The following ADCY5 variants were observed in gnomAD, a reference collection of about 807,000 sequenced individuals.
ADCY5 encodes the protein adenylate cyclase 5, also known as adenylate cyclase type 5.
Under a neutral mutation model 119.7 loss-of-function variants are expected in ADCY5, and 30 were observed. The ratio of observed to expected loss-of-function variants is 0.25; its 90% CI spans 0.19 to 0.34. The LOEUF (loss-of-function observed/expected upper bound fraction) is 0.34. Ranked by LOEUF, ADCY5 falls within the 10% of genes least tolerant of loss-of-function variation. The pLI, the probability that ADCY5 is intolerant of heterozygous loss-of-function variation, is 1.00. For synonymous variants in ADCY5, 753 were observed against 762.2 expected (o/e 0.99, Z 0.20); for missense variants, 1,324 against 1,775.2 (o/e 0.75, Z 4.57).
intron 1 of ADCY5, among the ~76,000 whole-genome samples, chr3:123,431,247 A>T (rs1211566473): frequency 6.6e-6 from 1 of 152,170 alleles, no homozygotes; most frequent in Admixed American, 6.5e-5. Flanking sequence ...AGACTAATGA[A>T]CACTGCTGAG....
chr3:123,390,118 G>A (rs1317695436), intron 1 of ADCY5, among the ~76,000 whole-genome samples: 1 of 152,198 alleles, frequency 6.6e-6, no homozygotes, highest in Non-Finnish European at 1.5e-5. Context: ...CTCAGGCCAG[G>A]AAGCTGGACA....
At chr3:123,295,589 A>G (rs1939447991) in intron 17 of ADCY5, among the ~76,000 whole-genome samples, 2 of 152,178 alleles carry the variant, frequency 1.3e-5, no homozygotes, top group African/African-American at 4.8e-5. Context: ...GAAGTCTTCA[A>G]CCCAGCTCTG....
At chr3:123,361,104 A>T (rs1682329245) in intron 1 of ADCY5, among the ~76,000 whole-genome samples, 1 of 152,210 alleles carries the variant, frequency 6.6e-6, no homozygotes, top group Admixed American at 6.5e-5. Flanking sequence ...GAGACACTCA[A>T]CTTTCTCTCA....
chr3:123,401,491 G>A (rs957769119), intron 1 of ADCY5, among the ~76,000 whole-genome samples: 1 of 152,216 alleles, frequency 6.6e-6, no homozygotes, highest in Non-Finnish European at 1.5e-5. Flanking sequence ...ACCATCCTTG[G>A]AGCCCACATA....
At chr3:123,406,446 A>G (rs1032987415) in intron 1 of ADCY5, among the ~76,000 whole-genome samples, 6 of 152,240 alleles carry the variant, frequency 3.9e-5, no homozygotes, top group African/African-American at 1.4e-4. Context: ...TGTTGGCCAC[A>G]CCATACCTGA....
chr3:123,300,402 G>T, intron 14 of ADCY5, 107 bp from the exon 15 acceptor site: 2 of 1,245,304 alleles, frequency 1.6e-6, no homozygotes, highest in Non-Finnish European at 2.2e-6. Context: ...CCTGGGCTGG[G>T]CATGTTTCTG....
intron 1 of ADCY5, among the ~76,000 whole-genome samples, chr3:123,355,476 A>G (rs985665307): frequency 3.9e-5 from 6 of 152,180 alleles, no homozygotes; most frequent in Admixed American, 1.3e-4. Flanking sequence ...CCACAAATAC[A>G]GAGGGCCAAC....
intron 1 of ADCY5, among the ~76,000 whole-genome samples, chr3:123,426,299 G>GTTTTT (rs750760543): frequency 2.9e-4 from 28 of 97,854 alleles, no homozygotes; most frequent in African/African-American, 5.5e-4. Flanking sequence ...TTTCTTTTGT[G>GTTTTT]TTTTTTTTTT....
chr3:123,418,377 G>A (rs1157013470), intron 1 of ADCY5, among the ~76,000 whole-genome samples: 1 of 152,228 alleles, frequency 6.6e-6, no homozygotes, highest in Non-Finnish European at 1.5e-5. Flanking sequence ...GAATACCTGA[G>A]ACTGGGTAAT....
chr3:123,348,907 C>A (rs562853475), intron 2 of ADCY5, among the ~76,000 whole-genome samples: 5 of 152,308 alleles, frequency 3.3e-5, no homozygotes, highest in African/African-American at 7.2e-5. Flanking sequence ...TAGAGTCACC[C>A]TCCCACATGG....
chr3:123,442,348 G>C (rs1246221808), intron 1 of ADCY5, among the ~76,000 whole-genome samples: 3 of 152,362 alleles, frequency 2.0e-5, no homozygotes, highest in South Asian at 2.1e-4. Flanking sequence ...AGTTTGGTGA[G>C]GACCAAGGTG....
intron 19 of ADCY5, among the ~76,000 whole-genome samples, chr3:123,289,460 G>A (rs892559112): frequency 1.3e-5 from 2 of 152,236 alleles, no homozygotes; most frequent in South Asian, 2.1e-4. Context: ...CCACCAGGCC[G>A]GCCCTGCATC....
Position 123,284,236 on chromosome 3 carries a change from C to G in ADCY5, c.*372G>C, listed in dbSNP as rs139935310. 98 of 198,138 alleles carry G rather than the reference C, an allele frequency of 4.9e-4. No individual in the cohort carries two copies. The highest frequency in any genetic ancestry group is 2.0e-3 in the Middle Eastern group (1 of 496). The allele number at this position is 198,138 out of a possible 1,614,324, so 12.3% of individuals were successfully genotyped here. On this transcript the variant is annotated 3_prime_UTR_variant, in exon 21 of 21. Transcript: ENST00000462833. ...AGGCCACATTCGAGCCCGTCTACCC[C>G]CAGCTGAGTCGGAGGCCCCTCAGCC...
At chr3:123,415,855 T>C (rs932936555) in intron 1 of ADCY5, among the ~76,000 whole-genome samples, 11 of 152,082 alleles carry the variant, frequency 7.2e-5, no homozygotes, top group Non-Finnish European at 8.8e-5. Flanking sequence ...CAGAAATACA[T>C]GCTAGGTGTA....
chr3:123,413,083 A>T (rs1945097086), intron 1 of ADCY5, among the ~76,000 whole-genome samples: 1 of 152,094 alleles, frequency 6.6e-6, no homozygotes, highest in South Asian at 2.1e-4. Context: ...CTCCTCCGGG[A>T]CGGGACCAGG....
chr3:123,306,838 A>G (rs1412456880), intron 12 of ADCY5, among the ~76,000 whole-genome samples: 1 of 152,250 alleles, frequency 6.6e-6, no homozygotes, highest in Admixed American at 6.5e-5. Flanking sequence ...AAGTGGAAAC[A>G]ATTTAATTGT....
chr3:123,376,087 T>G (rs961002658), intron 1 of ADCY5, among the ~76,000 whole-genome samples: 1 of 151,948 alleles, frequency 6.6e-6, no homozygotes, highest in East Asian at 1.9e-4. Flanking sequence ...CAAGGGAGAC[T>G]GGAGGTCTGC....
chr3:123,401,210 G>C (rs1004667084), intron 1 of ADCY5, among the ~76,000 whole-genome samples: 1 of 152,134 alleles, frequency 6.6e-6, no homozygotes, highest in Non-Finnish European at 1.5e-5. Flanking sequence ...AAAGATCCTG[G>C]ATTTGAAGGT....
chr3:123,292,521 G>A (rs999088597), intron 17 of ADCY5, among the ~76,000 whole-genome samples: 3 of 152,272 alleles, frequency 2.0e-5, no homozygotes, highest in East Asian at 1.9e-4. Flanking sequence ...GCTTCTGGAC[G>A]CTAAAGGGCC....
Sources: gnomAD v4.1 joint callset for allele counts (sites outside exome capture counted in the v4.1 genomes callset) on GRCh38, gnomAD v4.1.1 for gene constraint, MANE v1.5 for transcripts, NCBI Gene and HGNC (gene_info 2026-07-23, HGNC 2026-07-21) for gene names.